ANO10: variants seen among roughly 807,000 people sequenced by gnomAD.
ANO10 encodes the protein anoctamin 10, also known as anoctamin-10.
A neutral mutation model predicts 74.7 loss-of-function variants in ANO10; 77 were observed. That is an observed-to-expected ratio of 1.03 (90% CI 0.86 to 1.25). The LOEUF (loss-of-function observed/expected upper bound fraction) is 1.25. ANO10 is among the 50% of genes most tolerant of loss of function. The pLI is 0.00. For missense variants in ANO10, 721 were observed against 778.1 expected, an observed-to-expected ratio of 0.93 and a Z score of 0.87; for synonymous variants, 279 against 284.9, an observed-to-expected ratio of 0.98 and a Z score of 0.21.
chr3:43,409,231 C>T (rs2092626047), intron 12 of ANO10, among the ~76,000 whole-genome samples: 1 of 152,052 alleles, frequency 6.6e-6, no homozygotes, highest in South Asian at 2.1e-4. Flanking sequence ...ATGAAGGAAT[C>T]TATGAAGCTG....
intron 7 of ANO10, among the ~76,000 whole-genome samples, chr3:43,566,398 A>C (rs2080347423): frequency 6.6e-6 from 1 of 152,228 alleles, no homozygotes; most frequent in Non-Finnish European, 1.5e-5. Flanking sequence ...CAGACAAACA[A>C]AAAGACAGCA....
intron 1 of ANO10, among the ~76,000 whole-genome samples, chr3:43,686,027 C>T (rs754148129): frequency 1.1e-4 from 16 of 152,032 alleles, no homozygotes; most frequent in South Asian, 2.1e-4. Flanking sequence ...GTTCAATTAA[C>T]GCTCATCAGT....
At chr3:43,426,633 G>C (rs1164741256) in intron 12 of ANO10, among the ~76,000 whole-genome samples, 1 of 152,142 alleles carries the variant, frequency 6.6e-6, no homozygotes, top group African/African-American at 2.4e-5. Flanking sequence ...TGTGCTCCAG[G>C]CCACGGAGTT....
At chr3:43,440,522 T>C (rs546929879) in intron 11 of ANO10, among the ~76,000 whole-genome samples, 3 of 152,202 alleles carry the variant, frequency 2.0e-5, no homozygotes, top group Non-Finnish European at 4.4e-5. Context: ...TATAATTGTA[T>C]ATGCATCTAA....
chr3:43,561,275 A>T lies in ANO10; in HGVS notation c.1421T>A (p.Ile474Asn). 1 of 1,614,196 alleles carries T rather than the reference A, an allele frequency of 6.2e-7. No homozygotes were observed. Among genetic ancestry groups the T allele is most frequent in the Non-Finnish European group, 8.5e-7 (1 of 1,180,038 alleles). ...GACTTGTTCATATAATGTAGCATCAATGTCTGCCTTTAAAGCCTGCACCTT... is the reference window on the plus strand; with the variant it reads ...GACTTGTTCATATAATGTAGCATCATTGTCTGCCTTTAAAGCCTGCACCTT... ...KRKVQALKAD[I>N]DATLYEQVIL... The change falls in exon 9 of 13, where the codon ATT (isoleucine) becomes AAT (asparagine). Residue 474 changes from isoleucine to asparagine, a missense_variant. Transcript: ENST00000292246.
intron 1 of ANO10, among the ~76,000 whole-genome samples, chr3:43,650,522 A>G (rs2149568120): frequency 6.6e-6 from 1 of 152,352 alleles, no homozygotes; most frequent in South Asian, 2.1e-4. Flanking sequence ...TTTAAATCAT[A>G]AAGAGTCACA....
chr3:43,420,041 T>C (rs2148911497), intron 12 of ANO10, among the ~76,000 whole-genome samples: 1 of 152,330 alleles, frequency 6.6e-6, no homozygotes, highest in East Asian at 1.9e-4. Flanking sequence ...ACTTTAAAAG[T>C]CTAAATTTCC....
intron 8 of ANO10, 63 bp downstream of exon 8, chr3:43,565,590 C>T: frequency 8.0e-7 from 1 of 1,257,722 alleles, no homozygotes; most frequent in Non-Finnish European, 1.1e-6. Flanking sequence ...ATTACAGCAT[C>T]TAAAGATAGA....
intron 10 of ANO10, among the ~76,000 whole-genome samples, chr3:43,551,982 C>T (rs2079484827): frequency 6.6e-6 from 1 of 152,060 alleles, no homozygotes; most frequent in Non-Finnish European, 1.5e-5. Context: ...TCTGTTTGTT[C>T]CCTGTTTTTC....
At chr3:43,370,919 T>C (rs903341869) in intron 12 of ANO10, among the ~76,000 whole-genome samples, 3 of 152,190 alleles carry the variant, frequency 2.0e-5, no homozygotes, top group Admixed American at 6.5e-5. Flanking sequence ...AGAATTGCAA[T>C]GCTTCCCACA....
intron 11 of ANO10, among the ~76,000 whole-genome samples, chr3:43,446,480 AT>A (rs368810096): frequency 2.0e-5 from 3 of 152,132 alleles, no homozygotes; most frequent in Admixed American, 6.5e-5. Context: ...ATAACTGCAT[AT>A]TTTTTTCAAA....
At chr3:43,581,179 C>T (rs1157089554) in intron 4 of ANO10, among the ~76,000 whole-genome samples, 1 of 152,142 alleles carries the variant, frequency 6.6e-6, no homozygotes, top group Non-Finnish European at 1.5e-5. Flanking sequence ...TCTGTCCTTC[C>T]ACTACAGTGA....
At chr3:43,373,531 G>A (rs1296219183) in intron 12 of ANO10, among the ~76,000 whole-genome samples, 2 of 152,192 alleles carry the variant, frequency 1.3e-5, no homozygotes, top group African/African-American at 4.8e-5. Flanking sequence ...TTTCTCAAAT[G>A]ATCTTTTGAG....
intron 1 of ANO10, among the ~76,000 whole-genome samples, chr3:43,674,234 G>C (rs970720879): frequency 1.3e-5 from 2 of 152,088 alleles, no homozygotes; most frequent in African/African-American, 4.8e-5. Flanking sequence ...TGAACTTCTG[G>C]GCTCAAGTGA....
chr3:43,414,603 C>T (rs1403810881), intron 12 of ANO10, among the ~76,000 whole-genome samples: 1 of 152,078 alleles, frequency 6.6e-6, no homozygotes, highest in Non-Finnish European at 1.5e-5. Context: ...TCAAAACGAC[C>T]TGTTTTTGGT....
chr3:43,413,571 C>T (rs1157072264), intron 12 of ANO10, among the ~76,000 whole-genome samples: 2 of 151,682 alleles, frequency 1.3e-5, no homozygotes, highest in African/African-American at 4.8e-5. Flanking sequence ...GAAGCCAACA[C>T]CATGCTTCCT....
chr3:43,572,388 A>G (rs1452563018), intron 7 of ANO10, among the ~76,000 whole-genome samples: 1 of 152,152 alleles, frequency 6.6e-6, no homozygotes, highest in African/African-American at 2.4e-5. Flanking sequence ...AACCTCATCA[A>G]AAGTAAGTGG....
intron 11 of ANO10, among the ~76,000 whole-genome samples, chr3:43,455,711 G>C (rs1338652661): frequency 3.3e-5 from 5 of 151,998 alleles, no homozygotes; most frequent in African/African-American, 1.2e-4. Context: ...CTGCATGTGT[G>C]ATCTTTTCCT....
chr3:43,500,150 G>A (rs780594123), intron 11 of ANO10, among the ~76,000 whole-genome samples: 13 of 152,106 alleles, frequency 8.5e-5, no homozygotes, highest in Non-Finnish European at 1.3e-4. Flanking sequence ...CCAGCCCCAT[G>A]TACTACTAGA....
Sources: gnomAD v4.1 joint callset for allele counts (sites outside exome capture counted in the v4.1 genomes callset) on GRCh38, gnomAD v4.1.1 for gene constraint, MANE v1.5 for transcripts, NCBI Gene and HGNC (gene_info 2026-07-23, HGNC 2026-07-21) for gene names.